Variants in HPCAL1 observed in about 807,000 individuals in gnomAD.
HPCAL1 encodes the protein hippocalcin-like protein 1.
In HPCAL1, 8 loss-of-function variants were observed where a neutral mutation model predicts 17.1. That is an observed-to-expected ratio of 0.47 (90% CI 0.27 to 0.84). HPCAL1 has a LOEUF of 0.84. Among genes scored for constraint, HPCAL1 ranks in the 40% least tolerant of loss-of-function variants. The pLI, the probability that HPCAL1 is intolerant of heterozygous loss-of-function variation, is 0.13. For synonymous variants in HPCAL1, 112 were observed against 111.4 expected (o/e 1.01, Z -0.03); for missense variants, 165 against 271.1 (o/e 0.61, Z 2.75).
intron 1 of HPCAL1, among the ~76,000 whole-genome samples, chr2:10,347,677 C>A (rs756757737): frequency 1.3e-5 from 2 of 152,166 alleles, no homozygotes; most frequent in Non-Finnish European, 2.9e-5. Flanking sequence ...CCAGCAGCAG[C>A]CTTTCCCATG....
intron 1 of HPCAL1, among the ~76,000 whole-genome samples, chr2:10,370,880 C>A (rs1667162562): frequency 6.6e-6 from 1 of 152,208 alleles, no homozygotes; most frequent in Admixed American, 6.5e-5. Flanking sequence ...GCTCAGTTTC[C>A]TCATCTCCAA....
chr2:10,348,172 G>A (rs1319424419), intron 1 of HPCAL1, among the ~76,000 whole-genome samples: 2 of 152,112 alleles, frequency 1.3e-5, no homozygotes, highest in African/African-American at 2.4e-5. Context: ...GGGCCAGCCC[G>A]GGCACAGTGG....
chr2:10,398,051 C>T (rs1669173365), intron 2 of HPCAL1, among the ~76,000 whole-genome samples: 1 of 152,220 alleles, frequency 6.6e-6, no homozygotes, highest in African/African-American at 2.4e-5. Context: ...TCCTCCCTCT[C>T]ATGGTCTCAT....
rs1039079088 is a variant in HPCAL1 at position 10,382,314 on chromosome 2, AT to A, written c.-110-14516del. 2.0e-4 allele frequency among the ~76,000 whole-genome samples: 31 copies of A among 152,286 alleles called. 1 individual carries two copies. Among genetic ancestry groups the A allele is most frequent in the African/African-American group, 6.7e-4 (28 of 41,546 alleles). ...GGGATGAGCAGGCAGAGCACAGGGC[AT>A]TTTTAAGGCAGTGAAACTGCTCTGT... On this transcript the variant is annotated intron_variant, in intron 1 of 4. Transcript: ENST00000307845.
At chr2:10,372,097 G>T (rs894928601) in intron 1 of HPCAL1, among the ~76,000 whole-genome samples, 2 of 152,260 alleles carry the variant, frequency 1.3e-5, no homozygotes, top group African/African-American at 4.8e-5. Flanking sequence ...CACGTTGGGT[G>T]CACAGTGAAT....
In HPCAL1 at chr2:10,357,150, A is replaced by G. The variant is rs114200233; in HGVS notation, c.-110-39685A>G. 7.2e-3 allele frequency among the ~76,000 whole-genome samples: 1,098 copies of G among 152,228 alleles called. 15 individuals carry two copies. Among genetic ancestry groups the G allele is most frequent in the African/African-American group, 0.024 (1,009 of 41,532 alleles). On this transcript the variant is annotated intron_variant, in intron 1 of 4. Transcript: ENST00000307845. ...TGGTGATGCTGTCCAGGCTTGACGT[A>G]GGAGCCTTCCGTTCCTCCTCAGGGC...
At chr2:10,417,076 C>T (rs1670718796) in intron 2 of HPCAL1, among the ~76,000 whole-genome samples, 1 of 152,078 alleles carries the variant, frequency 6.6e-6, no homozygotes. Context: ...TAAAAAGTCC[C>T]CAGGGGCTGG....
chr2:10,409,079 A>G (rs1191198541), intron 2 of HPCAL1, among the ~76,000 whole-genome samples: 2 of 152,218 alleles, frequency 1.3e-5, no homozygotes, highest in Non-Finnish European at 2.9e-5. Flanking sequence ...GAGATATTTT[A>G]TGTTGTTTTT....
intron 2 of HPCAL1, among the ~76,000 whole-genome samples, chr2:10,404,037 C>T (rs1268974052): frequency 6.6e-6 from 1 of 152,096 alleles, no homozygotes; most frequent in Non-Finnish European, 1.5e-5. Context: ...CTTTATTGCT[C>T]TATACACTGC....
At chr2:10,317,849 A>G (rs980864287) in intron 1 of HPCAL1, among the ~76,000 whole-genome samples, 1 of 152,268 alleles carries the variant, frequency 6.6e-6, no homozygotes, top group African/African-American at 2.4e-5. Context: ...CATGAAGCCC[A>G]CAAGGGGGCC....
chr2:10,324,277 C>T (rs1374597229), intron 1 of HPCAL1: 2 of 152,216 alleles, frequency 1.3e-5, no homozygotes, highest in Non-Finnish European at 2.9e-5. Flanking sequence ...ATGACAACAG[C>T]TCTATTGTGT....
chr2:10,314,166 A>C (rs978286243), intron 1 of HPCAL1, among the ~76,000 whole-genome samples: 7 of 152,236 alleles, frequency 4.6e-5, no homozygotes, highest in African/African-American at 1.7e-4. Context: ...TCCTCTTATA[A>C]TATGCAGGCA....
chr2:10,415,565 C>G (rs905685604), intron 2 of HPCAL1, among the ~76,000 whole-genome samples: 1 of 152,164 alleles, frequency 6.6e-6, no homozygotes, highest in Non-Finnish European at 1.5e-5. Flanking sequence ...AGGCAAGGAC[C>G]GTATGGGTTT....
intron 1 of HPCAL1, among the ~76,000 whole-genome samples, chr2:10,348,527 A>G (rs540871986): frequency 1.6e-4 from 24 of 151,764 alleles, no homozygotes; most frequent in Non-Finnish European, 3.2e-4. Context: ...GCTTTGGGAG[A>G]CCAAGGTGGG....
Position 10,363,569 on chromosome 2 carries a change from G to A in HPCAL1, c.-110-33266G>A, listed in dbSNP as rs1666653779. Among the ~76,000 whole-genome samples the A allele has an allele frequency of 6.6e-6, 1 of 152,220 alleles. No homozygotes were observed. The highest frequency in any genetic ancestry group is 2.4e-5 in the African/African-American group (1 of 41,460). ...GTGTAGCTGTATTTCTGGGAAGTGT[G>A]TGACCCGAAGCCTCCTCCTGTCAGA... On this transcript the variant is annotated intron_variant, in intron 1 of 4. Transcript: ENST00000307845. The surrounding 1 kb of genome is among the most constrained non-coding windows in gnomAD (Gnocchi z 4.7).
chr2:10,391,521 A>G (rs1366421959), intron 1 of HPCAL1, among the ~76,000 whole-genome samples: 2 of 152,208 alleles, frequency 1.3e-5, no homozygotes, highest in East Asian at 1.9e-4. Flanking sequence ...GATTTTTAGC[A>G]TATTCACTTG....
At chr2:10,348,624 T>A (rs61497546) in intron 1 of HPCAL1, among the ~76,000 whole-genome samples, 1 of 103,642 alleles carries the variant, frequency 9.6e-6, no homozygotes, top group African/African-American at 3.5e-5. Flanking sequence ...TATATATATA[T>A]ATAAATTAGC....
intron 1 of HPCAL1, among the ~76,000 whole-genome samples, chr2:10,373,971 C>A (rs1266409384): frequency 2.0e-5 from 3 of 152,176 alleles, no homozygotes; most frequent in African/African-American, 7.2e-5. Flanking sequence ...CTGTTTTTAT[C>A]CTTTGGGCCT....
chr2:10,424,584 CT>C lies in HPCAL1; in HGVS notation c.484+1497del, dbSNP rs762632899. On this transcript the variant is annotated intron_variant, in intron 4 of 4. Transcript: ENST00000307845. ...CCCGAATCTGCCTCCTGGCTTGGCC[CT>C]GCCCACCTCTTCAGAGGGCATCTTC... 95 of 471,106 alleles carry C rather than the reference CT, an allele frequency of 2.0e-4. 1 individual carries two copies. Among genetic ancestry groups the C allele is most frequent in the Admixed American group, 4.5e-4 (19 of 42,590 alleles). The allele number at this position is 471,106 out of a possible 1,614,324, so 29.2% of individuals were successfully genotyped here.
Sources: allele counts gnomAD v4.1 joint callset (sites outside exome capture counted in the v4.1 genomes callset), GRCh38; gene constraint gnomAD v4.1.1; non-coding constraint Gnocchi (gnomAD v3.1); transcripts MANE v1.5; gene names NCBI Gene and HGNC (gene_info 2026-07-23, HGNC 2026-07-21).